RASAL2: variants seen among roughly 807,000 people sequenced by gnomAD.
RASAL2 encodes RAS protein activator like 2.
A neutral mutation model predicts 128.9 loss-of-function variants in RASAL2; 58 were observed. The ratio of observed to expected loss-of-function variants is 0.45; its 90% CI spans 0.36 to 0.56. RASAL2 has a LOEUF of 0.56. Ranked by LOEUF, RASAL2 falls within the 20% of genes least tolerant of loss-of-function variation. RASAL2 has a pLI of 0.00. For synonymous variants in RASAL2, 561 were observed against 580.8 expected (o/e 0.97, Z 0.49); for missense variants, 1,360 against 1,601.6 (o/e 0.85, Z 2.57).
At chr1:178,183,757 G>C (rs1041256468) in intron 1 of RASAL2, among the ~76,000 whole-genome samples, 1 of 152,096 alleles carries the variant, frequency 6.6e-6, no homozygotes, top group Non-Finnish European at 1.5e-5. Flanking sequence ...GAATAAAGTT[G>C]GTATAAAATA....
intron 5 of RASAL2, among the ~76,000 whole-genome samples, chr1:178,426,716 G>A (rs1448336107): frequency 1.3e-5 from 2 of 152,116 alleles, no homozygotes; most frequent in East Asian, 3.9e-4. Flanking sequence ...AAAACCAGAC[G>A]TTAGTGGAGC....
intron 1 of RASAL2, among the ~76,000 whole-genome samples, chr1:178,102,780 C>T (rs1454197048): frequency 1.3e-5 from 2 of 152,174 alleles, no homozygotes; most frequent in African/African-American, 4.8e-5. Flanking sequence ...CTCTCTCTTA[C>T]TCTTCCTCCC....
intron 3 of RASAL2, among the ~76,000 whole-genome samples, chr1:178,389,694 C>T (rs909332201): frequency 6.6e-6 from 1 of 152,180 alleles, no homozygotes; most frequent in Non-Finnish European, 1.5e-5. Flanking sequence ...ACCATCAAAT[C>T]ATATGCAACA....
intron 4 of RASAL2, among the ~76,000 whole-genome samples, chr1:178,409,246 A>G (rs925893708): frequency 6.6e-6 from 1 of 152,170 alleles, no homozygotes; most frequent in Non-Finnish European, 1.5e-5. Context: ...CAGTTCTGAA[A>G]GCAATTTTTG....
intron 1 of RASAL2, among the ~76,000 whole-genome samples, chr1:178,265,126 A>G (rs777729055): frequency 1.1e-4 from 16 of 152,232 alleles, no homozygotes; most frequent in Non-Finnish European, 1.6e-4. Flanking sequence ...TCTGTAATAC[A>G]TGGAAGATTT....
intron 1 of RASAL2, among the ~76,000 whole-genome samples, chr1:178,175,094 A>G (rs1661837997): frequency 6.6e-6 from 1 of 152,164 alleles, no homozygotes; most frequent in South Asian, 2.1e-4. Context: ...TTAACTACTT[A>G]ACAAAATTAT....
At chr1:178,346,908 AAGGT>A (rs1403185537) in intron 3 of RASAL2, among the ~76,000 whole-genome samples, 1 of 152,222 alleles carries the variant, frequency 6.6e-6, no homozygotes, top group East Asian at 1.9e-4. Flanking sequence ...TGTAATATAA[AAGGT>A]AGAAGTCTAG....
At chr1:178,380,673 A>G (rs947523475) in intron 3 of RASAL2, among the ~76,000 whole-genome samples, 2 of 152,184 alleles carry the variant, frequency 1.3e-5, no homozygotes, top group Non-Finnish European at 2.9e-5. Context: ...ATTCTATCTT[A>G]ATAATCCCTG....
chr1:178,413,972 G>T (rs1220823821), intron 4 of RASAL2, among the ~76,000 whole-genome samples: 1 of 151,168 alleles, frequency 6.6e-6, no homozygotes, highest in Non-Finnish European at 1.5e-5. Context: ...GAAAAGCAAA[G>T]AAAAAAAAGA....
In RASAL2 at chr1:178,305,052, C is replaced by T. The variant is rs75661349; in HGVS notation, c.457+4934C>T. Among the ~76,000 whole-genome samples the T allele has an allele frequency of 5.6e-3, 854 of 152,198 alleles. 11 individuals are homozygous for T. Among genetic ancestry groups the T allele is most frequent in the African/African-American group, 0.019 (798 of 41,542 alleles). On this transcript the variant is annotated intron_variant, in intron 3 of 17. Transcript: ENST00000367649. ...GAAATTTAAAAAGTAATCCCATTTA[C>T]AAGAGCCACAAGTAAAATGAAGTAC...
At chr1:178,320,740 A>C (rs542135239) in intron 3 of RASAL2, among the ~76,000 whole-genome samples, 6 of 152,256 alleles carry the variant, frequency 3.9e-5, no homozygotes, top group African/African-American at 1.4e-4. Flanking sequence ...GAAATGCAGA[A>C]ATCACCCGTC....
chr1:178,357,402 C>CT (rs534222480), intron 3 of RASAL2, among the ~76,000 whole-genome samples: 91 of 151,612 alleles, frequency 6.0e-4, no homozygotes, highest in Admixed American at 1.3e-3. Flanking sequence ...AAAAGCTACC[C>CT]TTTATCATCA....
intron 3 of RASAL2, among the ~76,000 whole-genome samples, chr1:178,335,275 A>G (rs1669533207): frequency 6.6e-6 from 1 of 152,154 alleles, no homozygotes; most frequent in Non-Finnish European, 1.5e-5. Flanking sequence ...CATATCTACA[A>G]ACCAAAGACT....
chr1:178,244,952 A>G (rs1664702475), intron 1 of RASAL2, among the ~76,000 whole-genome samples: 1 of 152,166 alleles, frequency 6.6e-6, no homozygotes, highest in Non-Finnish European at 1.5e-5. Context: ...TATATGTGCC[A>G]CGTTTTCTTT....
In RASAL2 at chr1:178,450,582, CTACT is replaced by C. The variant is rs200357084; in HGVS notation, c.1628-986_1628-983del. ...AATGCTCTTTCTGCTGCTGATGCTG[CTACT>C]TAGTTTTGCAGGCATTATTGTTCAC... is the stretch of plus-strand genomic sequence containing the variant. On this transcript the variant is annotated intron_variant, in intron 9 of 17. Transcript: ENST00000367649. Among the ~76,000 whole-genome samples the C allele has an allele frequency of 3.9e-4, 59 of 152,290 alleles. 1 individual carries two copies. In the East Asian group the frequency reaches 0.011, roughly 27 times the overall value.
intron 3 of RASAL2, among the ~76,000 whole-genome samples, chr1:178,352,820 A>C (rs1195323364): frequency 6.6e-6 from 1 of 152,244 alleles, no homozygotes; most frequent in Non-Finnish European, 1.5e-5. Flanking sequence ...CCACAGGCTT[A>C]ACACCATGTA....
intron 5 of RASAL2, among the ~76,000 whole-genome samples, chr1:178,424,237 T>G (rs1053839852): frequency 4.2e-4 from 64 of 152,148 alleles, no homozygotes; most frequent in African/African-American, 1.4e-3. Flanking sequence ...TTTTGGTTTT[T>G]TTTGTTTGTT....
At chr1:178,206,973 G>A (rs1429450773) in intron 1 of RASAL2, among the ~76,000 whole-genome samples, 12 of 151,870 alleles carry the variant, frequency 7.9e-5, no homozygotes, top group Admixed American at 4.6e-4. Context: ...TTAGGAGTTC[G>A]AGACCAGCCT....
chr1:178,136,251 C>T (rs112064190), intron 1 of RASAL2, among the ~76,000 whole-genome samples: 10 of 152,178 alleles, frequency 6.6e-5, no homozygotes, highest in African/African-American at 2.4e-4. Flanking sequence ...AACAGAGAGG[C>T]AATATAATGT....
Sources: allele counts gnomAD v4.1 joint callset (sites outside exome capture counted in the v4.1 genomes callset), GRCh38; gene constraint gnomAD v4.1.1; transcripts MANE v1.5; gene names NCBI Gene and HGNC (gene_info 2026-07-23, HGNC 2026-07-21).